The following PDE1A variants were observed in gnomAD, a reference collection of about 807,000 sequenced individuals.
PDE1A encodes dual specificity calcium/calmodulin-dependent 3',5'-cyclic nucleotide phosphodiesterase 1A.
A neutral mutation model predicts 61.7 loss-of-function variants in PDE1A; 35 were observed. The observed-to-expected ratio is 0.57, with a 90% confidence interval of 0.43 to 0.75. The LOEUF (loss-of-function observed/expected upper bound fraction) is 0.75, where lower values mean the gene tolerates loss of function less well. Among genes scored for constraint, PDE1A ranks in the 30% least tolerant of loss-of-function variants. PDE1A has a pLI of 0.00. For synonymous variants in PDE1A, 232 were observed against 213.2 expected (o/e 1.09, Z -0.77); for missense variants, 597 against 630.6 (o/e 0.95, Z 0.57).
chr2:182,480,718 T>G (rs1414968906), intron 2 of PDE1A, among the ~76,000 whole-genome samples: 1 of 151,896 alleles, frequency 6.6e-6, no homozygotes, highest in African/African-American at 2.4e-5. Flanking sequence ...CTTGAGCATC[T>G]TCTGAGGTTC....
chr2:182,626,221 G>T, the PDE1A span, among the ~76,000 whole-genome samples: 2 of 152,134 alleles, frequency 1.3e-5, no homozygotes, highest in Non-Finnish European at 2.9e-5. Flanking sequence ...TATATCTTCA[G>T]CTCACTTTGA....
intron 2 of PDE1A, among the ~76,000 whole-genome samples, chr2:182,464,885 T>C (rs1049639790): frequency 2.0e-5 from 3 of 152,166 alleles, no homozygotes; most frequent in Admixed American, 2.0e-4. Flanking sequence ...GCTTTTTTCA[T>C]CGCTGTATGC....
At chr2:182,659,054 C>T in the PDE1A span, among the ~76,000 whole-genome samples, 1 of 152,118 alleles carries the variant, frequency 6.6e-6, no homozygotes, top group Non-Finnish European at 1.5e-5. Context: ...GCCTATATTA[C>T]CTATTTAAAA....
chr2:182,145,579 A>G (rs867806280), downstream of PDE1A, among the ~76,000 whole-genome samples: 1 of 152,046 alleles, frequency 6.6e-6, no homozygotes, highest in Admixed American at 6.5e-5. Context: ...ATACAAAAAA[A>G]TTAGCCAGGC....
At chr2:182,225,329 T>A (rs1169097371) in intron 6 of PDE1A, among the ~76,000 whole-genome samples, 1 of 151,816 alleles carries the variant, frequency 6.6e-6, no homozygotes, top group Non-Finnish European at 1.5e-5. Context: ...ATTGATGAAT[T>A]TAAATTTTGT....
chr2:182,313,085 T>C (rs1356953561), intron 1 of PDE1A, among the ~76,000 whole-genome samples: 4 of 152,230 alleles, frequency 2.6e-5, no homozygotes, highest in Non-Finnish European at 1.5e-5. Flanking sequence ...TCCTATTATC[T>C]TGCTAAACGT....
chr2:182,242,829 G>A (rs1690624261), intron 2 of PDE1A, among the ~76,000 whole-genome samples: 1 of 151,730 alleles, frequency 6.6e-6, no homozygotes, highest in African/African-American at 2.4e-5. Context: ...ATAATCACAT[G>A]AGCCCATTCC....
intron 13 of PDE1A, among the ~76,000 whole-genome samples, chr2:182,182,491 C>A (rs189897722): frequency 1.3e-3 from 203 of 152,292 alleles, no homozygotes; most frequent in East Asian, 1.9e-3. Flanking sequence ...TCCTTCTGAT[C>A]TCCTTGTTTC....
At chr2:182,646,558 G>C in the PDE1A span, among the ~76,000 whole-genome samples, 1 of 151,768 alleles carries the variant, frequency 6.6e-6, no homozygotes, top group Non-Finnish European at 1.5e-5. Context: ...GGTGGCAGGC[G>C]CCTGTAATCC....
intron 2 of PDE1A, among the ~76,000 whole-genome samples, chr2:182,520,850 T>C (rs144221527): frequency 2.0e-3 from 304 of 152,152 alleles, no homozygotes; most frequent in Non-Finnish European, 3.5e-3. Context: ...TGACTGCTAA[T>C]GTTTAATTTG....
intron 13 of PDE1A, among the ~76,000 whole-genome samples, chr2:182,159,366 A>T (rs1246279573): frequency 6.6e-6 from 1 of 152,158 alleles, no homozygotes; most frequent in African/African-American, 2.4e-5. Context: ...CCATTGCTTG[A>T]TTTACTCATC....
chr2:182,474,012 G>T (rs920457440), intron 2 of PDE1A, among the ~76,000 whole-genome samples: 16 of 151,978 alleles, frequency 1.1e-4, no homozygotes, highest in Non-Finnish European at 2.2e-4. Flanking sequence ...CCAGTAATGG[G>T]GTTGCTGTGT....
At chr2:182,671,203 G>A in the PDE1A span, among the ~76,000 whole-genome samples, 4 of 151,420 alleles carry the variant, frequency 2.6e-5, no homozygotes, top group Non-Finnish European at 5.9e-5. Flanking sequence ...CGGTGTTCTC[G>A]CTCTGTCGCC....
rs1402271811 is a variant in PDE1A, at chr2:182,451,173, TC to T, written c.101+71102del. Among the ~76,000 whole-genome samples the T allele has an allele frequency of 9.4e-5, 2 of 21,280 alleles. 1 individual carries two copies. The highest frequency in any genetic ancestry group is 1.9e-4 in the Non-Finnish European group (2 of 10,488). 14.0% of individuals were successfully genotyped at this position (21,280 alleles called of 152,430 possible). A position where few individuals can be genotyped will look rare whatever the true frequency, so the allele number is the denominator to read the frequency against. ...GCGGGCGGATCACGAAGTCAGGAGA[TC>T]GAGACCATCCCGGCTAACACGGTGA... On this transcript the variant is annotated intron_variant, in intron 2 of 14. Transcript: ENST00000410103.
At chr2:182,559,688 T>A in the PDE1A span, among the ~76,000 whole-genome samples, 12 of 152,162 alleles carry the variant, frequency 7.9e-5, no homozygotes, top group Non-Finnish European at 8.8e-5. Context: ...GAATGCTTGT[T>A]ATACCATTAT....
intron 1 of PDE1A, among the ~76,000 whole-genome samples, chr2:182,315,223 G>A (rs1696259048): frequency 6.6e-6 from 1 of 151,956 alleles, no homozygotes; most frequent in Non-Finnish European, 1.5e-5. Flanking sequence ...ATATGCATGT[G>A]GTCTCTCCAA....
the PDE1A span, among the ~76,000 whole-genome samples, chr2:182,663,555 A>T: frequency 5.8e-3 from 877 of 152,318 alleles, 13 homozygotes; most frequent in African/African-American, 0.02. Context: ...CATTATCCTT[A>T]GCATACTAAT....
chr2:182,554,643 GTAA>G, the PDE1A span, among the ~76,000 whole-genome samples: 1 of 152,150 alleles, frequency 6.6e-6, no homozygotes, highest in South Asian at 2.1e-4. Context: ...TAAAATGAAT[GTAA>G]TATTATTTAA....
At chr2:182,187,737 CTTTTTTTT>C (rs1038970569) in intron 11 of PDE1A, among the ~76,000 whole-genome samples, 2 of 66,382 alleles carry the variant, frequency 3.0e-5, no homozygotes, top group Non-Finnish European at 5.2e-5. Flanking sequence ...TTTTTTTGTT[CTTTTTTTT>C]TTTTTTTTTT....
Sources: gnomAD v4.1 joint callset for allele counts (sites outside exome capture counted in the v4.1 genomes callset) on GRCh38, gnomAD v4.1.1 for gene constraint, MANE v1.5 for transcripts, NCBI Gene and HGNC (gene_info 2026-07-23, HGNC 2026-07-21) for gene names.